NHSL2: variants seen among roughly 807,000 people sequenced by gnomAD.
NHSL2 encodes the protein NHS-like protein 2.
NHSL2 carries 27 observed loss-of-function variants against 53.4 expected under a neutral mutation model. That is an observed-to-expected ratio of 0.51 (90% CI 0.37 to 0.70). The LOEUF (loss-of-function observed/expected upper bound fraction) is 0.70, where lower values mean the gene tolerates loss of function less well. Ranked by LOEUF, NHSL2 falls within the 30% of genes least tolerant of loss-of-function variation. The pLI, the probability that NHSL2 is intolerant of heterozygous loss-of-function variation, is 0.00. For synonymous variants in NHSL2, 408 were observed against 404.1 expected (o/e 1.01, Z -0.12); for missense variants, 892 against 980.1 (o/e 0.91, Z 1.20).
chrX:72,078,465 A>C (rs1297313518), intron 1 of NHSL2, among the ~76,000 whole-genome samples: 2 of 111,671 alleles, frequency 1.8e-5, no homozygotes, highest in Admixed American at 9.5e-5. Flanking sequence ...CAACTTAAAA[A>C]CACACAGCAT....
chrX:71,957,482 G>C (rs2041847951), intron 1 of NHSL2, among the ~76,000 whole-genome samples: 1 of 112,042 alleles, frequency 8.9e-6, no homozygotes. Context: ...TAGCCAGGAT[G>C]GTCTCGATCT....
At position 72,125,729 on chromosome X, in the gene NHSL2, G is replaced by A. The variant is rs781457815; in HGVS notation, c.281-6350G>A. ...TGGAGACCTTGTCAGGCACCCTGAA[G>A]AGTACTGGGGAGTCCTAGTGCTCAC... On this transcript the variant is annotated intron_variant, in intron 1 of 7. Coordinates refer to ENST00000633930, the MANE Select transcript of NHSL2 (RefSeq NM_001013627.3). Among the ~76,000 whole-genome samples the A allele has an allele frequency of 2.7e-5, 3 of 112,072 alleles. No homozygotes were observed. The South Asian group carries it at 1.1e-3, about 42-fold the overall frequency.
chrX:71,978,472 C>A lies in NHSL2; in HGVS notation c.280+67105C>A, dbSNP rs745521965. ...AGACTGTCAAGCCCAAAAAGCCACT[C>A]GCTATAGGTCCTTAACCTCATTCTG... On this transcript the variant is annotated intron_variant, in intron 1 of 7. Transcript: ENST00000633930. 1.2e-4 allele frequency among the ~76,000 whole-genome samples: 14 copies of A among 112,178 alleles called. No individual in the cohort carries two copies. The South Asian group carries it at 5.2e-3, about 42-fold the overall frequency.
At chrX:72,052,414 C>T (rs1205467048) in intron 1 of NHSL2, among the ~76,000 whole-genome samples, 1 of 112,507 alleles carries the variant, frequency 8.9e-6, no homozygotes, top group Admixed American at 9.4e-5. Flanking sequence ...AGGAGGAGAA[C>T]CATATTTCAG....
intron 1 of NHSL2, among the ~76,000 whole-genome samples, chrX:72,048,210 C>G (rs932379208): frequency 1.9e-4 from 21 of 110,773 alleles, no homozygotes; most frequent in Non-Finnish European, 3.8e-4. Context: ...AAGGTAGATA[C>G]TATTTTCTCC....
intron 1 of NHSL2, among the ~76,000 whole-genome samples, chrX:71,988,428 G>A (rs1045150819): frequency 4.5e-5 from 5 of 111,505 alleles, no homozygotes; most frequent in African/African-American, 1.6e-4. Flanking sequence ...GTTCTTAGTC[G>A]AGAGGGACTT....
chrX:72,069,799 G>A (rs2042456148), intron 1 of NHSL2: 3 of 736,761 alleles, frequency 4.1e-6, no homozygotes, highest in Admixed American at 5.8e-5. Flanking sequence ...TACAGCCAGG[G>A]CCTCCCAGCT....
chrX:72,064,388 G>A (rs956885557), intron 1 of NHSL2, among the ~76,000 whole-genome samples: 1 of 112,310 alleles, frequency 8.9e-6, no homozygotes, highest in African/African-American at 3.2e-5. Context: ...CTTGGAGTCA[G>A]CCTAACTTGG....
chrX:71,933,707 G>A (rs2041724465), intron 1 of NHSL2, among the ~76,000 whole-genome samples: 1 of 111,302 alleles, frequency 9.0e-6, no homozygotes, highest in Non-Finnish European at 1.9e-5. Context: ...ACAGTGCCTG[G>A]CACAAGATAA....
At chrX:71,977,235 G>T (rs1309180796) in intron 1 of NHSL2, among the ~76,000 whole-genome samples, 1 of 111,505 alleles carries the variant, frequency 9.0e-6, no homozygotes, top group Non-Finnish European at 1.9e-5. Context: ...GTTATGTCTC[G>T]TTTTCTCATC....
At chrX:71,947,374 C>T (rs760054340) in intron 1 of NHSL2, among the ~76,000 whole-genome samples, 4 of 112,017 alleles carry the variant, frequency 3.6e-5, no homozygotes, top group Admixed American at 9.4e-5. Context: ...TTCCCGGAAC[C>T]GGATTGAAAG....
At chrX:71,945,106 TG>T (rs1290565435) in intron 1 of NHSL2, among the ~76,000 whole-genome samples, 1 of 110,665 alleles carries the variant, frequency 9.0e-6, no homozygotes, top group Admixed American at 9.5e-5. Context: ...TGAAATTGAA[TG>T]CCAACTCTGA....
intron 1 of NHSL2, among the ~76,000 whole-genome samples, chrX:72,074,008 G>C (rs1360677572): frequency 8.9e-6 from 1 of 112,504 alleles, no homozygotes; most frequent in Non-Finnish European, 1.9e-5. Context: ...CCAGAAGCTA[G>C]AGCCAGGGAT....
intron 1 of NHSL2, among the ~76,000 whole-genome samples, chrX:72,033,188 T>C (rs1331517579): frequency 1.9e-5 from 2 of 106,185 alleles, no homozygotes; most frequent in Admixed American, 2.0e-4. Flanking sequence ...ATTGACTTTT[T>C]TTTTTTTTTT....
chrX:72,130,690 A>T (rs1466938663), intron 1 of NHSL2: 2 of 1,211,937 alleles, frequency 1.7e-6, no homozygotes, highest in South Asian at 3.5e-5. Flanking sequence ...CTCTTTGCGG[A>T]AGAATTCCGA....
intron 1 of NHSL2, among the ~76,000 whole-genome samples, chrX:72,118,674 T>C (rs1209976834): frequency 8.9e-6 from 1 of 111,985 alleles, no homozygotes; most frequent in Non-Finnish European, 1.9e-5. Context: ...GATCCTCCCA[T>C]GTCAGCCTCC....
At position 72,130,606 on chromosome X, in the gene NHSL2, C is replaced by G. The variant is rs903596881; in HGVS notation, c.281-1473C>G. 8.3e-7 allele frequency: 1 copy of G among 1,211,587 alleles called. No individual in the cohort carries two copies. On this transcript the variant is annotated intron_variant, in intron 1 of 7. Transcript: ENST00000633930. ...AGGGAGCGGGATAGGCTTGGGAACG[C>G]GCACTTTTCTTTCTATCTCCACACA...
intron 1 of NHSL2, among the ~76,000 whole-genome samples, chrX:72,000,611 C>T (rs2042068420): frequency 8.9e-6 from 1 of 111,858 alleles, no homozygotes; most frequent in East Asian, 2.8e-4. Context: ...TTTTCCTTGC[C>T]TTTTCCAGCG....
At chrX:71,948,723 G>A (rs1336471796) in intron 1 of NHSL2, among the ~76,000 whole-genome samples, 1 of 109,378 alleles carries the variant, frequency 9.1e-6, no homozygotes, top group East Asian at 2.9e-4. Context: ...CCAGCTACTC[G>A]GGAGGCTGAG....
Sources: gnomAD v4.1 joint callset for allele counts (sites outside exome capture counted in the v4.1 genomes callset) on GRCh38, gnomAD v4.1.1 for gene constraint, MANE v1.5 for transcripts, NCBI Gene and HGNC (gene_info 2026-07-23, HGNC 2026-07-21) for gene names.